The following GGA2 variants were observed in gnomAD, a reference collection of about 807,000 sequenced individuals.
The protein encoded by GGA2 is ADP-ribosylation factor-binding protein GGA2.
GGA2 carries 48 observed loss-of-function variants against 79.5 expected under a neutral mutation model. That is an observed-to-expected ratio of 0.60 (90% CI 0.48 to 0.77). The LOEUF (loss-of-function observed/expected upper bound fraction) is 0.77, where lower values mean the gene tolerates loss of function less well. Ranked by LOEUF, GGA2 falls within the 30% of genes least tolerant of loss-of-function variation. The pLI is 0.00. For missense variants in GGA2, 770 were observed against 774.0 expected (o/e 0.99, Z 0.06); for synonymous variants, 317 against 302.0 (o/e 1.05, Z -0.51).
At chr16:23,479,981 T>A in intron 10 of GGA2, 94 bp from the exon 11 acceptor site, 2 of 1,210,700 alleles carry the variant, frequency 1.7e-6, no homozygotes, top group Non-Finnish European at 2.3e-6. Context: ...CACCTCCTAA[T>A]CAAATGGTAA....
chr16:23,469,480 G>T lies in GGA2; in HGVS notation c.1621-484C>A, dbSNP rs1964483349. 4 of 161,696 alleles carry T rather than the reference G, an allele frequency of 2.5e-5. No homozygotes were observed. The South Asian group carries it at 6.9e-4, about 28-fold the overall frequency. 10.0% of individuals were successfully genotyped at this position (161,696 alleles called of 1,614,324 possible). ...CAGGCCCCTTCCCCTGTGACTGTGG[G>T]GTGCCTGTTAATCAGTAGGGCCCCA... On this transcript the variant is annotated intron_variant, in intron 15 of 16. Transcript: ENST00000309859.
chr16:23,473,102 T>A (rs1266586657), intron 14 of GGA2, among the ~76,000 whole-genome samples: 1 of 150,694 alleles, frequency 6.6e-6, no homozygotes, highest in Non-Finnish European at 1.5e-5. Context: ...TATATATAAG[T>A]TCATTAAAAA....
Position 23,493,566 on chromosome 16 carries a change from C to G in GGA2, c.253-108G>C, listed in dbSNP as rs763331411. ...GACTGCGCTGGAACCAAGGCTAACC[C>G]TGCCTCAAGCCTATGAGGACACTGA... On this transcript the variant is annotated intron_variant, in intron 3 of 16. Transcript: ENST00000309859. The G allele has an allele frequency of 6.7e-6, 5 of 742,798 alleles. No homozygotes were observed. The Admixed American group carries it at 8.1e-5, about 12-fold the overall frequency. The allele number at this position is 742,798 out of a possible 1,614,324, so 46.0% of individuals were successfully genotyped here.
intron 1 of GGA2, among the ~76,000 whole-genome samples, chr16:23,508,349 A>T (rs987934416): frequency 6.6e-6 from 1 of 152,146 alleles, no homozygotes; most frequent in African/African-American, 2.4e-5. Flanking sequence ...TACAGGCATG[A>T]ACAGCCTTTT....
chr16:23,495,066 ACT>A (rs1275212945), intron 2 of GGA2, among the ~76,000 whole-genome samples: 1 of 148,540 alleles, frequency 6.7e-6, no homozygotes, highest in Admixed American at 6.8e-5. Context: ...GTCTTGAGAC[ACT>A]CTGTCTCAGG....
intron 2 of GGA2, among the ~76,000 whole-genome samples, chr16:23,515,573 C>CA (rs57148954): frequency 0.8 from 89,315 of 111,290 alleles, 35,347 homozygotes; most frequent in Middle Eastern, 0.84. Context: ...CTCCAGCCTG[C>CA]AAAAAAAAAA....
intron 15 of GGA2, chr16:23,469,532 T>TCTC (rs1224674448): frequency 6.3e-6 from 1 of 158,304 alleles, no homozygotes; most frequent in African/African-American, 2.4e-5. Context: ...ATGGATGTTA[T>TCTC]CTCACATTGG....
At chr16:23,504,085 A>T (rs1964948901) in intron 1 of GGA2, among the ~76,000 whole-genome samples, 1 of 151,926 alleles carries the variant, frequency 6.6e-6, no homozygotes, top group African/African-American at 2.4e-5. Context: ...CCGTCTCAAA[A>T]AAAAAAAAAA....
intron 6 of GGA2, among the ~76,000 whole-genome samples, chr16:23,488,159 TC>T (rs1964738878): frequency 6.6e-6 from 1 of 151,792 alleles, no homozygotes; most frequent in Admixed American, 6.6e-5. Context: ...TCTTCCACTG[TC>T]CCCACCCCAA....
chr16:23,464,269 TAA>T lies in GGA2; in HGVS notation c.*3319_*3320del, dbSNP rs1964407059. 6.6e-6 allele frequency: 1 copy of T among 152,156 alleles called. No individual in the cohort carries two copies. The highest frequency in any genetic ancestry group is 2.4e-5 in the African/African-American group (1 of 41,426). The allele number at this position is 152,156 out of a possible 1,614,324, so 9.4% of individuals were successfully genotyped here. On this transcript the variant is annotated 3_prime_UTR_variant, in exon 17 of 17. Transcript: ENST00000309859. ...TGCCCAGTCTTAAGTTCATGGAAGA[TAA>T]TAGGAAGAGTAATTAACTGCAGCAA...
chr16:23,482,035 G>C (rs11074560), intron 9 of GGA2, among the ~76,000 whole-genome samples: 1 of 152,064 alleles, frequency 6.6e-6, no homozygotes, highest in Non-Finnish European at 1.5e-5. Context: ...GGGAAGCCGA[G>C]GCAGACGGAT....
intron 13 of GGA2, among the ~76,000 whole-genome samples, chr16:23,475,264 A>G (rs1247708067): frequency 6.9e-6 from 1 of 145,826 alleles, no homozygotes; most frequent in Admixed American, 7.2e-5. Context: ...GTCTCGGCTC[A>G]CTGCAACCTC....
At chr16:23,485,888 A>G in intron 8 of GGA2, 127 bp downstream of exon 8, 2 of 846,584 alleles carry the variant, frequency 2.4e-6, no homozygotes, top group Non-Finnish European at 1.9e-6. Flanking sequence ...GCACAACGAC[A>G]TTTGGGGAGG....
At chr16:23,523,271 C>T (rs1257899960), upstream of GGA2, 2 of 152,212 alleles carry the variant, frequency 1.3e-5, no homozygotes, top group Non-Finnish European at 2.9e-5. Flanking sequence ...TTCCTCTTCA[C>T]TGAAGACCCC....
intron 1 of GGA2, among the ~76,000 whole-genome samples, chr16:23,499,631 C>T (rs569138084): frequency 7.9e-5 from 12 of 151,972 alleles, no homozygotes; most frequent in African/African-American, 1.2e-4. Flanking sequence ...GAGGCCGAGG[C>T]GGGAAGATCC....
At chr16:23,468,767 C>T (rs1390764737) in intron 16 of GGA2, 119 bp downstream of exon 16, 5 of 629,350 alleles carry the variant, frequency 7.9e-6, no homozygotes, top group Non-Finnish European at 1.5e-5. Flanking sequence ...AACCACTGTG[C>T]CCAGCAAACC....
chr16:23,499,256 G>C (rs534059692), intron 1 of GGA2, among the ~76,000 whole-genome samples: 1 of 150,554 alleles, frequency 6.6e-6, no homozygotes, highest in Non-Finnish European at 1.5e-5. Context: ...GCGATTCTCC[G>C]GCCTCAGCCT....
chr16:23,506,977 A>T (rs1412125357), intron 1 of GGA2, among the ~76,000 whole-genome samples: 2 of 151,980 alleles, frequency 1.3e-5, no homozygotes, highest in African/African-American at 4.8e-5. Flanking sequence ...AGAATGGGGG[A>T]GGGGCAGTTC....
intron 13 of GGA2, among the ~76,000 whole-genome samples, chr16:23,475,557 GAAGT>G (rs1964566968): frequency 6.6e-6 from 1 of 151,802 alleles, no homozygotes; most frequent in Non-Finnish European, 1.5e-5. Context: ...GGGAATAACA[GAAGT>G]AATTTACCTC....
Sources: allele counts gnomAD v4.1 joint callset (sites outside exome capture counted in the v4.1 genomes callset), GRCh38; gene constraint gnomAD v4.1.1; transcripts MANE v1.5; gene names NCBI Gene and HGNC (gene_info 2026-07-23, HGNC 2026-07-21).